ERV3-1: variants seen among roughly 807,000 people sequenced by gnomAD.
ERV3-1 encodes endogenous retrovirus group 3 member 1, envelope.
ERV3-1 carries 36 observed loss-of-function variants against 24.6 expected under a neutral mutation model. The ratio of observed to expected loss-of-function variants is 1.47; its 90% CI spans 1.12 to 1.94. The LOEUF is 1.94. Ranked by LOEUF, ERV3-1 falls within the 30% of genes most tolerant of loss-of-function variation. The pLI is 0.00. For synonymous variants in ERV3-1, 211 were observed against 122.6 expected (o/e 1.72, Z -4.76); for missense variants, 578 against 330.9 (o/e 1.75, Z -5.79).
Position 64,993,083 on chromosome 7 carries a change from G to A in ERV3-1, c.-57C>T, listed in dbSNP as rs536156019. The A allele has an allele frequency of 2.3e-5, 15 of 647,098 alleles. No homozygotes were observed. The South Asian group carries it at 2.5e-4, about 11-fold the overall frequency. The allele number at this position is 647,098 out of a possible 1,614,324, so 40.1% of individuals were successfully genotyped here. A position where few individuals can be genotyped will look rare whatever the true frequency, so the allele number is the denominator to read the frequency against. On this transcript the variant is annotated 5_prime_UTR_variant, in exon 2 of 2. Coordinates refer to ENST00000394323, the MANE Select transcript of ERV3-1 (RefSeq NM_001007253.4). ...GGCTAAGCAAAGTGACAGCTTAATA[G>A]CAAAGTAATTAATATGACAAGGAAA...
Position 65,006,640 on chromosome 7 carries a change from C to G in ERV3-1, c.-488G>C. 1 of 1,535,244 alleles carries G rather than the reference C, an allele frequency of 6.5e-7. No homozygotes were observed. Among genetic ancestry groups the G allele is most frequent in the Non-Finnish European group, 9.0e-7 (1 of 1,110,492 alleles). ...AAGCTGGGCCTCTAGGAGCAGAAGACACAGAGCAGTGAAGACTACACCAGA... is the reference window on the plus strand; with the variant it reads ...AAGCTGGGCCTCTAGGAGCAGAAGAGACAGAGCAGTGAAGACTACACCAGA... On this transcript the variant is annotated 5_prime_UTR_variant, in exon 1 of 2. Coordinates refer to ENST00000394323, the MANE Select transcript of ERV3-1 (RefSeq NM_001007253.4).
chr7:64,990,964 C>T lies in ERV3-1; in HGVS notation c.*248G>A, dbSNP rs567539508. The T allele has an allele frequency of 2.8e-6, 1 of 355,702 alleles. No homozygotes were observed. The highest frequency in any genetic ancestry group is 4.3e-5 in the Admixed American group (1 of 23,110). 22.0% of individuals were successfully genotyped at this position (355,702 alleles called of 1,614,324 possible). On this transcript the variant is annotated 3_prime_UTR_variant, in exon 2 of 2. Coordinates refer to ENST00000394323, the MANE Select transcript of ERV3-1 (RefSeq NM_001007253.4). ...AAGTAAAGTTTAAGAGAAAGCATCA[C>T]TATCTTCATTTACTTCAAGAGGAAG...
chr7:65,005,701 C>T (rs1786631144), intron 1 of ERV3-1, among the ~76,000 whole-genome samples: 1 of 152,162 alleles, frequency 6.6e-6, no homozygotes, highest in South Asian at 2.1e-4. Flanking sequence ...AGTCTTGAGA[C>T]CCTGCTTGAG....
chr7:65,000,984 A>G (rs1485697778), intron 1 of ERV3-1, among the ~76,000 whole-genome samples: 1 of 152,194 alleles, frequency 6.6e-6, no homozygotes, highest in African/African-American at 2.4e-5. Context: ...AGAGCTAAAT[A>G]ATAAGAACAC....
intron 1 of ERV3-1, among the ~76,000 whole-genome samples, chr7:65,002,480 T>A (rs1266567628): frequency 6.9e-6 from 1 of 144,288 alleles, no homozygotes; most frequent in African/African-American, 2.5e-5. Flanking sequence ...CATGCAACCA[T>A]GCCTGGCTAA....
At chr7:64,996,964 T>C (rs1244999635) in intron 1 of ERV3-1, among the ~76,000 whole-genome samples, 3 of 152,252 alleles carry the variant, frequency 2.0e-5, no homozygotes, top group Non-Finnish European at 4.4e-5. Context: ...CTGACTCCCT[T>C]GGGACACAAT....
At position 64,991,113 on chromosome 7, in the gene ERV3-1, G is replaced by C; in HGVS notation, c.*99C>G. On this transcript the variant is annotated 3_prime_UTR_variant, in exon 2 of 2. Coordinates refer to ENST00000394323, the MANE Select transcript of ERV3-1 (RefSeq NM_001007253.4). ...TGACAATGAGGGGTAAGAGACAAGGGAGTATAAGGCAAACTCCCAATATGG... is the reference window on the plus strand; with the variant it reads ...TGACAATGAGGGGTAAGAGACAAGGCAGTATAAGGCAAACTCCCAATATGG... The C allele has an allele frequency of 1.7e-6, 1 of 603,496 alleles. No homozygotes were observed. The highest frequency in any genetic ancestry group is 3.0e-6 in the Non-Finnish European group (1 of 338,396). 37.4% of individuals were successfully genotyped at this position (603,496 alleles called of 1,614,324 possible).
chr7:64,992,034 C>CT lies in ERV3-1; in HGVS notation c.992dup (p.Ser332GlufsTer52), dbSNP rs1268418965. ...TGGAGGTTTTTAAGAACCAGATGCT[C>CT]TGACTTGATGGTGCAGGTTCGAGGG... On this transcript the variant is annotated frameshift_variant, in exon 2 of 2. Coordinates refer to ENST00000394323, the MANE Select transcript of ERV3-1 (RefSeq NM_001007253.4). LOFTEE classifies it high-confidence loss of function. 1 of 766,412 alleles carries CT rather than the reference C, an allele frequency of 1.3e-6. No individual in the cohort carries two copies. The highest frequency in any genetic ancestry group is 2.4e-5 in the East Asian group (1 of 41,244). The allele number at this position is 766,412 out of a possible 1,614,324, so 47.5% of individuals were successfully genotyped here.
chr7:64,991,588 T>C lies in ERV3-1; in HGVS notation c.1439A>G (p.Asp480Gly). The C allele has an allele frequency of 1.4e-6, 1 of 704,154 alleles. No individual in the cohort carries two copies. The highest frequency in any genetic ancestry group is 2.6e-6 in the Non-Finnish European group (1 of 385,016). 43.6% of individuals were successfully genotyped at this position (704,154 alleles called of 1,614,324 possible). Residue 480 changes from aspartate (D) to glycine (G), a missense_variant, in exon 2 of 2, where the codon GAC becomes GGC. By Grantham distance (94) the Asp-to-Gly change is moderately conservative. Transcript: ENST00000394323. ...KRGITIGDWK[D>G]NEWPPERIIQ... ...TATTCTTTCAGGAGGCCATTCATTG[T>C]CCTTCCAATCTCCTATAGTTATGCC...
At position 64,992,371 on chromosome 7, in the gene ERV3-1, G is replaced by GCGACTC. The variant is rs766769458; in HGVS notation, c.655_656insGAGTCG (p.Pro219delinsArgValAla). The GCGACTC allele has an allele frequency of 3.5e-5, 27 of 766,244 alleles. No homozygotes were observed. The Middle Eastern group carries it at 9.0e-4, about 25-fold the overall frequency. The allele number at this position is 766,244 out of a possible 1,614,324, so 47.5% of individuals were successfully genotyped here. On this transcript the variant is annotated protein_altering_variant, in exon 2 of 2. Coordinates refer to ENST00000394323, the MANE Select transcript of ERV3-1 (RefSeq NM_001007253.4). ...TTCACCGCTGACTCGTGCCCCTAGC[G>GCGACTC]GTGCTTTTAAACCTGTTGTCCATAT...
intron 1 of ERV3-1, among the ~76,000 whole-genome samples, chr7:65,000,562 T>C (rs1302873745): frequency 6.6e-6 from 1 of 152,190 alleles, no homozygotes; most frequent in Non-Finnish European, 1.5e-5. Context: ...GTAGATTGCC[T>C]GAGGTCATAA....
At chr7:65,006,442 A>C in intron 1 of ERV3-1, 99 bp downstream of exon 1, 1 of 1,513,860 alleles carries the variant, frequency 6.6e-7, no homozygotes, top group Non-Finnish European at 9.2e-7. Context: ...CGGATTTTGG[A>C]GCCAGCTGCG....
intron 1 of ERV3-1, among the ~76,000 whole-genome samples, chr7:64,996,291 T>A (rs536208814): frequency 6.6e-6 from 1 of 152,292 alleles, no homozygotes; most frequent in African/African-American, 2.4e-5. Flanking sequence ...TAAATGCTTA[T>A]AAATGCCCCA....
chr7:64,994,717 C>T (rs1466605081), intron 1 of ERV3-1, among the ~76,000 whole-genome samples: 1 of 152,198 alleles, frequency 6.6e-6, no homozygotes, highest in Non-Finnish European at 1.5e-5. Flanking sequence ...TATATAGCTC[C>T]ATGAACATGC....
At position 64,992,047 on chromosome 7, in the gene ERV3-1, G is replaced by T. The variant is rs778772318; in HGVS notation, c.980C>A (p.Ala327Glu). The T allele has an allele frequency of 3.9e-6, 3 of 766,418 alleles. No homozygotes were observed. Among genetic ancestry groups the T allele is most frequent in the Non-Finnish European group, 7.2e-6 (3 of 417,912 alleles). The allele number at this position is 766,418 out of a possible 1,614,324, so 47.5% of individuals were successfully genotyped here. A position where few individuals can be genotyped will look rare whatever the true frequency, so the allele number is the denominator to read the frequency against. The change falls in exon 2 of 2, where the codon GCA becomes GAA. Residue 327 changes from alanine to glutamate, a missense_variant. Physicochemically the swap from Ala to Glu is moderately radical, Grantham distance 107. Coordinates refer to ENST00000394323, the MANE Select transcript of ERV3-1 (RefSeq NM_001007253.4). ...FTLTASSLEP[A>E]PSSQSIWFLK... ...GAACCAGATGCTCTGACTTGATGGT[G>T]CAGGTTCGAGGGAAGAGGCGGTTAG...
chr7:64,992,556 G>A lies in ERV3-1; in HGVS notation c.471C>T (p.Ser157=). 1.3e-6 allele frequency: 1 copy of A among 766,356 alleles called. No homozygotes were observed. 47.5% of individuals were successfully genotyped at this position (766,356 alleles called of 1,614,324 possible). ...HKNRYAHPAC[S]TDSPVTTCWD... is the part of the protein sequence containing the mutation. ...AGCAAGTTGTTACTGGGGAATCGGTGGAACAAGCAGGGTGTGCATACCTAT... is the reference window on the plus strand; with the variant it reads ...AGCAAGTTGTTACTGGGGAATCGGTAGAACAAGCAGGGTGTGCATACCTAT... Residue 157 remains serine, a synonymous_variant, in exon 2 of 2, where the codon TCC becomes TCT. Transcript: ENST00000394323.
rs1472863218 is a variant in ERV3-1, at chr7:64,992,299, GT to G, written c.727del (p.Thr243LeufsTer41). On this transcript the variant is annotated frameshift_variant, in exon 2 of 2. Coordinates refer to ENST00000394323, the MANE Select transcript of ERV3-1 (RefSeq NM_001007253.4). LOFTEE classifies it high-confidence loss of function. ...AYVYLYIIKK[T>X]RTRSTQQFRV... is the part of the protein sequence containing the mutation. ...GAACTGTTGGGTTGAGCGGGTCCGA[GT>G]TTTCTTTATGATATATAGATAGACA... is the stretch of plus-strand genomic sequence containing the variant. 3.9e-6 allele frequency: 3 copies of G among 766,132 alleles called. No homozygotes were observed. Among genetic ancestry groups the G allele is most frequent in the Non-Finnish European group, 7.2e-6 (3 of 417,876 alleles). 47.5% of individuals were successfully genotyped at this position (766,132 alleles called of 1,614,324 possible).
chr7:65,000,193 C>T (rs191817399), intron 1 of ERV3-1, among the ~76,000 whole-genome samples: 21 of 152,176 alleles, frequency 1.4e-4, no homozygotes, highest in Middle Eastern at 3.4e-3. Flanking sequence ...TGGTATGGCA[C>T]GGTGGCTCAT....
chr7:65,003,003 A>G (rs1786557448), intron 1 of ERV3-1, among the ~76,000 whole-genome samples: 1 of 152,242 alleles, frequency 6.6e-6, no homozygotes. Context: ...TCAAAACAGT[A>G]ACAATTTCAT....
Sources: gnomAD v4.1 joint callset for allele counts (sites outside exome capture counted in the v4.1 genomes callset) on GRCh38, gnomAD v4.1.1 for gene constraint, MANE v1.5 for transcripts, NCBI Gene and HGNC (gene_info 2026-07-23, HGNC 2026-07-21) for gene names.